The following CNTN3 variants were observed in gnomAD, a reference collection of about 807,000 sequenced individuals.
CNTN3 encodes contactin 3, also known as contactin-3.
Under a neutral mutation model 119.1 loss-of-function variants are expected in CNTN3, and 60 were observed. That is an observed-to-expected ratio of 0.50 (90% CI 0.41 to 0.62). The LOEUF is 0.62. CNTN3 is among the 20% of genes least tolerant of loss of function. The pLI is 0.00. For missense variants in CNTN3, 1,101 were observed against 1,242.4 expected, an observed-to-expected ratio of 0.89 and a Z score of 1.71; for synonymous variants, 450 against 438.7, an observed-to-expected ratio of 1.03 and a Z score of -0.32.
rs150049424 is a variant in CNTN3 at position 74,372,176 on chromosome 3, C to T, written c.455-777G>A. 5.9e-3 allele frequency among the ~76,000 whole-genome samples: 900 copies of T among 152,116 alleles called. 9 individuals are homozygous for T. Among genetic ancestry groups the T allele is most frequent in the African/African-American group, 0.021 (856 of 41,496 alleles). On this transcript the variant is annotated intron_variant, in intron 5 of 22. Transcript: ENST00000263665. ...GTCCTCCTATCACTTGTTAAACAAG[C>T]GATGTTAGTTTTTATTTCACCTGCC... is the stretch of plus-strand genomic sequence containing the variant.
chr3:74,487,901 T>A (rs1702887433), intron 3 of CNTN3, among the ~76,000 whole-genome samples: 1 of 151,706 alleles, frequency 6.6e-6, no homozygotes, highest in Non-Finnish European at 1.5e-5. Context: ...TGTGAAGTTT[T>A]AAAATACAGT....
chr3:74,437,844 T>C (rs978706155), intron 4 of CNTN3, among the ~76,000 whole-genome samples: 9 of 152,170 alleles, frequency 5.9e-5, no homozygotes, highest in African/African-American at 2.2e-4. Flanking sequence ...TTGGAGATAA[T>C]TTAGAAAATC....
At chr3:74,400,458 C>A (rs1705162892) in intron 5 of CNTN3, among the ~76,000 whole-genome samples, 1 of 152,104 alleles carries the variant, frequency 6.6e-6, no homozygotes, top group Non-Finnish European at 1.5e-5. Context: ...CTTTAGCCTG[C>A]AAAATAATAA....
intron 4 of CNTN3, among the ~76,000 whole-genome samples, chr3:74,450,152 T>C (rs571874067): frequency 2.0e-5 from 3 of 152,266 alleles, no homozygotes; most frequent in African/African-American, 4.8e-5. Context: ...GGTAGCTATA[T>C]TTCTTTAGTA....
chr3:74,414,810 T>C (rs1348570350), intron 5 of CNTN3, among the ~76,000 whole-genome samples: 3 of 152,040 alleles, frequency 2.0e-5, no homozygotes, highest in Non-Finnish European at 2.9e-5. Flanking sequence ...AAGCAACCAA[T>C]GTTTTATTGC....
At chr3:74,383,591 T>A (rs1459180049) in intron 5 of CNTN3, among the ~76,000 whole-genome samples, 1 of 152,094 alleles carries the variant, frequency 6.6e-6, no homozygotes, top group African/African-American at 2.4e-5. Context: ...GCTCAGGTGA[T>A]CCTCCCACTG....
intron 1 of CNTN3, among the ~76,000 whole-genome samples, chr3:74,540,979 T>C (rs909661544): frequency 6.6e-6 from 1 of 152,088 alleles, no homozygotes; most frequent in East Asian, 1.9e-4. Flanking sequence ...ACAAAACCAC[T>C]GCATAAAATA....
chr3:74,526,508 A>G (rs1703621380), intron 1 of CNTN3, among the ~76,000 whole-genome samples: 1 of 151,824 alleles, frequency 6.6e-6, no homozygotes, highest in South Asian at 2.1e-4. Context: ...TCTTCCAGAG[A>G]TGTAGTTCAT....
intron 5 of CNTN3, among the ~76,000 whole-genome samples, chr3:74,424,474 C>CAGAGAGAGAG (rs71625974): frequency 0.41 from 58,233 of 141,960 alleles, 11,340 homozygotes; most frequent in East Asian, 0.56. Context: ...GTGTGTGTGA[C>CAGAGAGAGAG]AGAGAGAGAG....
intron 11 of CNTN3, among the ~76,000 whole-genome samples, chr3:74,353,429 T>C (rs956753987): frequency 1.3e-5 from 2 of 152,060 alleles, no homozygotes; most frequent in African/African-American, 4.8e-5. Context: ...TTGATCAGGG[T>C]GGAGATGAAT....
intron 3 of CNTN3, among the ~76,000 whole-genome samples, chr3:74,491,396 G>A (rs957867021): frequency 4.6e-5 from 7 of 151,916 alleles, no homozygotes; most frequent in East Asian, 1.9e-4. Context: ...CCAGCTACTC[G>A]GGAGACTAAG....
At chr3:74,403,798 T>C (rs1410954565) in intron 5 of CNTN3, among the ~76,000 whole-genome samples, 2 of 152,134 alleles carry the variant, frequency 1.3e-5, no homozygotes, top group African/African-American at 4.8e-5. Flanking sequence ...TTCATTAAAA[T>C]AGAAAAGTTT....
chr3:74,356,900 TA>T (rs1559561383), intron 11 of CNTN3, among the ~76,000 whole-genome samples: 1 of 152,156 alleles, frequency 6.6e-6, no homozygotes, highest in South Asian at 2.1e-4. Context: ...TAAAACTTTA[TA>T]AACCAGGTGG....
intron 5 of CNTN3, among the ~76,000 whole-genome samples, chr3:74,409,188 C>T (rs1575697555): frequency 6.6e-6 from 1 of 152,268 alleles, no homozygotes; most frequent in Middle Eastern, 3.4e-3. Flanking sequence ...ATCTTGGAAA[C>T]ATTTTTTTAA....
At chr3:74,424,789 C>G in intron 5 of CNTN3, 56 bp downstream of exon 5, 1 of 1,395,842 alleles carries the variant, frequency 7.2e-7, no homozygotes, top group South Asian at 1.2e-5. Context: ...ACATGCGCTG[C>G]AGGCCTTGCC....
chr3:74,429,866 T>C (rs1701754343), intron 4 of CNTN3, among the ~76,000 whole-genome samples: 1 of 151,736 alleles, frequency 6.6e-6, no homozygotes, highest in Non-Finnish European at 1.5e-5. Flanking sequence ...AGATGGAAAA[T>C]AAGGACCTGA....
chr3:74,537,971 T>C (rs367991703), intron 1 of CNTN3, among the ~76,000 whole-genome samples: 15 of 152,128 alleles, frequency 9.9e-5, no homozygotes, highest in African/African-American at 3.1e-4. Context: ...CCTAGATAGA[T>C]GGATGAATGA....
chr3:74,602,168 A>G (rs571442905), intron 1 of CNTN3, among the ~76,000 whole-genome samples: 1 of 151,890 alleles, frequency 6.6e-6, no homozygotes, highest in South Asian at 2.1e-4. Context: ...GCATGGCTGT[A>G]GTCCCAGCTA....
chr3:74,365,457 A>G (rs1292041055), intron 9 of CNTN3, 109 bp downstream of exon 9: 1 of 1,387,676 alleles, frequency 7.2e-7, no homozygotes, highest in Admixed American at 1.9e-5. Flanking sequence ...TGCAAACTCA[A>G]CAGTTTATTT....
Sources: gnomAD v4.1 joint callset for allele counts (sites outside exome capture counted in the v4.1 genomes callset) on GRCh38, gnomAD v4.1.1 for gene constraint, MANE v1.5 for transcripts, NCBI Gene and HGNC (gene_info 2026-07-23, HGNC 2026-07-21) for gene names.